Variants in ZNF609 observed in about 807,000 individuals in gnomAD.
The protein encoded by ZNF609 is zinc finger protein 609.
In ZNF609, 11 loss-of-function variants were observed where a neutral mutation model predicts 109.5. That is an observed-to-expected ratio of 0.10 (90% CI 0.06 to 0.17). The LOEUF is 0.17. Among genes scored for constraint, ZNF609 ranks in the 10% least tolerant of loss-of-function variants. ZNF609 has a pLI of 1.00. For synonymous variants in ZNF609, 646 were observed against 662.0 expected (o/e 0.98, Z 0.37); for missense variants, 1,559 against 1,772.4 (o/e 0.88, Z 2.16).
intron 3 of ZNF609, among the ~76,000 whole-genome samples, chr15:64,638,380 C>G (rs1345121902): frequency 6.6e-6 from 1 of 151,726 alleles, no homozygotes; most frequent in Admixed American, 6.6e-5. Context: ...CTTGGCTTTA[C>G]TTGGCCTTTT....
At chr15:64,672,962 CAAAA>C (rs554300308) in intron 4 of ZNF609, among the ~76,000 whole-genome samples, 1 of 98,656 alleles carries the variant, frequency 1.0e-5, no homozygotes, top group Non-Finnish European at 2.2e-5. Flanking sequence ...GACTCCATCT[CAAAA>C]AAAAAAAAAA....
At chr15:64,529,299 A>G (rs7165034) in intron 2 of ZNF609, 93,604 of 716,102 alleles carry the variant, frequency 0.13, 9,200 homozygotes, top group African/African-American at 0.42. Context: ...ATCAACAGAG[A>G]GGACAGAGAT....
rs373417315 is a variant in ZNF609 at position 64,591,074 on chromosome 15, A to G, written c.748-31753A>G. Among the ~76,000 whole-genome samples, 15 of 152,250 alleles carry G rather than the reference A, an allele frequency of 9.9e-5. No homozygotes were observed. In the South Asian group the frequency reaches 1.7e-3, roughly 17 times the overall value. ...AAAGGCCGGGCATGCTCGTTTATGC[A>G]TGTAATCCCAGCACTTTGGGAGGCT... On this transcript the variant is annotated intron_variant, in intron 2 of 9. Coordinates refer to ENST00000326648, the MANE Select transcript of ZNF609 (RefSeq NM_015042.2).
At position 64,499,802 on chromosome 15, in the gene ZNF609, G is replaced by T. The variant is rs1339897453; in HGVS notation, c.383G>T (p.Gly128Val). Residue 128 changes from glycine to valine, a missense_variant, in exon 2 of 10, where the codon GGT (glycine) becomes GTT (valine). By Grantham distance (109) the Gly-to-Val change is moderately radical. This residue lies in a region of ZNF609 where 291 missense variants were observed against 317.8 expected (regional missense o/e 0.92). Transcript: ENST00000326648. ...KKEVQGRSGD[G>V]ANAGGLVAAI... Reference sequence around the variant, plus strand: ...GAGGTGCAGGGGCGCTCAGGAGATGGTGCCAATGCTGGAGGCCTGGTTGCT... The same window carrying T: ...GAGGTGCAGGGGCGCTCAGGAGATGTTGCCAATGCTGGAGGCCTGGTTGCT... 1 of 1,614,098 alleles carries T rather than the reference G, an allele frequency of 6.2e-7. No individual in the cohort carries two copies.
Position 64,495,205 on chromosome 15 carries a change from T to G in ZNF609, c.-127-4088T>G, listed in dbSNP as rs540547995. ...TTTATAACTTACGGTTTGTCTTTCC[T>G]TATTGTTAAGGCTTTTTGAGGTACA... On this transcript the variant is annotated intron_variant, in intron 1 of 9. Coordinates refer to ENST00000326648, the MANE Select transcript of ZNF609 (RefSeq NM_015042.2). 2.0e-5 allele frequency among the ~76,000 whole-genome samples: 3 copies of G among 152,352 alleles called. No homozygotes were observed. The East Asian group carries it at 5.8e-4, about 29-fold the overall frequency.
At chr15:64,544,646 A>G (rs1894326562) in intron 2 of ZNF609, among the ~76,000 whole-genome samples, 1 of 152,202 alleles carries the variant, frequency 6.6e-6, no homozygotes, top group Admixed American at 6.5e-5. Context: ...CTACAGCCTT[A>G]TCTGAAATGC....
At chr15:64,534,404 T>C (rs1894108733) in intron 2 of ZNF609, among the ~76,000 whole-genome samples, 2 of 151,794 alleles carry the variant, frequency 1.3e-5, no homozygotes, top group African/African-American at 2.4e-5. Context: ...AACCTCCGCC[T>C]CCCGGGTTCA....
chr15:64,529,641 A>G, intron 2 of ZNF609: 1 of 844,218 alleles, frequency 1.2e-6, no homozygotes, highest in Admixed American at 1.7e-5. Context: ...GTACGACCAA[A>G]TCTGTTGACT....
intron 3 of ZNF609, among the ~76,000 whole-genome samples, chr15:64,661,224 A>T (rs900824061): frequency 2.0e-5 from 3 of 152,176 alleles, no homozygotes; most frequent in African/African-American, 7.2e-5. Flanking sequence ...GGCCTCCCAA[A>T]GTGCTGGGAT....
At chr15:64,573,279 A>G (rs893976072) in intron 2 of ZNF609, among the ~76,000 whole-genome samples, 2 of 151,120 alleles carry the variant, frequency 1.3e-5, no homozygotes, top group African/African-American at 4.9e-5. Flanking sequence ...ACTTTCCATT[A>G]AATCATAATC....
intron 2 of ZNF609, among the ~76,000 whole-genome samples, chr15:64,605,520 C>T (rs750278220): frequency 2.0e-5 from 3 of 152,122 alleles, no homozygotes; most frequent in Non-Finnish European, 4.4e-5. Flanking sequence ...TTATTATTGT[C>T]TAATATTTTT....
At chr15:64,581,295 G>A (rs887531441) in intron 2 of ZNF609, among the ~76,000 whole-genome samples, 9 of 152,086 alleles carry the variant, frequency 5.9e-5, no homozygotes, top group South Asian at 2.1e-4. Context: ...GCATGTATAC[G>A]TCCTTGTGCA....
rs1266061559 is a variant in ZNF609 at position 64,676,116 on chromosome 15, A to G, written c.3262A>G (p.Lys1088Glu). The change falls in exon 5 of 10, where the codon AAA (lysine) becomes GAA (glutamate). Residue 1088 changes from lysine (K) to glutamate (E), a missense_variant. Transcript: ENST00000326648. ...CATTCCCAAGTTAGATGACTCTTCA[A>G]AACTCCCGGGCCAGGCCCCTGAAGG... Reference protein sequence around the residue: ...VIIPKLDDSSKLPGQAPEGLK... With the variant: ...VIIPKLDDSSELPGQAPEGLK... 3.1e-6 allele frequency: 5 copies of G among 1,614,182 alleles called. No homozygotes were observed. The South Asian group carries it at 5.5e-5, about 18-fold the overall frequency.
rs1277248846 is a variant in ZNF609 at position 64,594,276 on chromosome 15, TTTTG to T, written c.748-28539_748-28536del. ...TATGCACTATGTTTTGTTTTGTTTT[TTTTG>T]TTTGTTTGTTTTAAATTAAAACCAG... On this transcript the variant is annotated intron_variant, in intron 2 of 9. Coordinates refer to ENST00000326648, the MANE Select transcript of ZNF609 (RefSeq NM_015042.2). Among the ~76,000 whole-genome samples the T allele has an allele frequency of 1.5e-4, 23 of 152,298 alleles. No homozygotes were observed. In the East Asian group the frequency reaches 2.7e-3, roughly 18 times the overall value.
intron 2 of ZNF609, among the ~76,000 whole-genome samples, chr15:64,543,944 C>T (rs1894313265): frequency 6.6e-6 from 1 of 152,142 alleles, no homozygotes; most frequent in African/African-American, 2.4e-5. Context: ...CCTTAGGCTA[C>T]ACGTTACTTA....
At chr15:64,598,786 A>ATATC (rs1428755914) in intron 2 of ZNF609, among the ~76,000 whole-genome samples, 6 of 102,140 alleles carry the variant, frequency 5.9e-5, no homozygotes, top group East Asian at 5.6e-4. Context: ...ATATATATAT[A>ATATC]TCCTGTTATC....
rs1895901176 is a variant in ZNF609, at chr15:64,623,011, G to A, written c.932G>A (p.Ser311Asn). Residue 311 changes from serine (S) to asparagine (N), a missense_variant, in exon 3 of 10, where the codon AGC becomes AAC. Around this residue, in one of 4 missense-constraint regions of ZNF609, gnomAD observed 38 missense variants for 82.1 expected, o/e 0.46. Coordinates refer to ENST00000326648, the MANE Select transcript of ZNF609 (RefSeq NM_015042.2). ...TTGGGCCCCTGTGAACCTGGAACTA[G>A]CGTCAACCTTGAAGGCATCGTGTGG... Reference protein sequence around the residue: ...ECLGPCEPGTSVNLEGIVWQE... With the variant: ...ECLGPCEPGTNVNLEGIVWQE... 6 of 1,614,266 alleles carry A rather than the reference G, an allele frequency of 3.7e-6. No individual in the cohort carries two copies. The highest frequency in any genetic ancestry group is 1.3e-5 in the African/African-American group (1 of 75,076).
At chr15:64,571,622 A>G (rs1200370839) in intron 2 of ZNF609, among the ~76,000 whole-genome samples, 1 of 152,188 alleles carries the variant, frequency 6.6e-6, no homozygotes, top group Non-Finnish European at 1.5e-5. Flanking sequence ...AGGTTAAGCC[A>G]GGAAATAGTA....
At chr15:64,552,497 A>G (rs533670094) in intron 2 of ZNF609, among the ~76,000 whole-genome samples, 1 of 151,806 alleles carries the variant, frequency 6.6e-6, no homozygotes, top group African/African-American at 2.4e-5. Flanking sequence ...TCAGCCTCCT[A>G]CAGGCACGCA....
Sources: allele counts gnomAD v4.1 joint callset (sites outside exome capture counted in the v4.1 genomes callset), GRCh38; gene constraint gnomAD v4.1.1; regional missense constraint gnomAD v4.1.1; transcripts MANE v1.5; gene names NCBI Gene and HGNC (gene_info 2026-07-23, HGNC 2026-07-21).